Variants in ACER3 observed in about 807,000 individuals in gnomAD.
ACER3 encodes alkCDase 3.
In ACER3, 16 loss-of-function variants were observed where a neutral mutation model predicts 48.9. That is an observed-to-expected ratio of 0.33 (90% CI 0.22 to 0.50). The LOEUF is 0.50. Among genes scored for constraint, ACER3 ranks in the 20% least tolerant of loss-of-function variants. The pLI is 0.98. For missense variants in ACER3, 227 were observed against 326.0 expected (o/e 0.70, Z 2.34); for synonymous variants, 109 against 107.8 (o/e 1.01, Z -0.07).
chr11:76,992,853 G>A (rs566201126), intron 6 of ACER3, among the ~76,000 whole-genome samples: 5 of 145,742 alleles, frequency 3.4e-5, no homozygotes, highest in Non-Finnish European at 7.5e-5. Flanking sequence ...TGGCTTCCTC[G>A]TTGTTCAACA....
intron 9 of ACER3, among the ~76,000 whole-genome samples, chr11:77,017,062 G>A (rs1205194641): frequency 1.3e-5 from 2 of 152,184 alleles, no homozygotes; most frequent in Non-Finnish European, 2.9e-5. Flanking sequence ...TTAAAAGGAA[G>A]AGAGATCTCA....
intron 2 of ACER3, among the ~76,000 whole-genome samples, chr11:76,928,166 GATGGTATCTC>G (rs1190089305): frequency 6.6e-6 from 1 of 152,180 alleles, no homozygotes; most frequent in Non-Finnish European, 1.5e-5. Context: ...ACTGGTGTGA[GATGGTATCTC>G]ATTGTGGTTT....
At chr11:76,890,290 T>C (rs1411359080) in intron 1 of ACER3, among the ~76,000 whole-genome samples, 1 of 152,202 alleles carries the variant, frequency 6.6e-6, no homozygotes, top group Non-Finnish European at 1.5e-5. Context: ...TCATTTTCTC[T>C]ACTGTATTGA....
chr11:76,861,806 C>T (rs1944947596), intron 1 of ACER3, among the ~76,000 whole-genome samples: 1 of 152,202 alleles, frequency 6.6e-6, no homozygotes, highest in Non-Finnish European at 1.5e-5. Context: ...CCATTCTGTC[C>T]TATCCAACTA....
intron 2 of ACER3, among the ~76,000 whole-genome samples, chr11:76,940,642 T>C (rs1247502872): frequency 1.3e-5 from 2 of 152,322 alleles, no homozygotes; most frequent in South Asian, 2.1e-4. Context: ...ATCCTTCTCT[T>C]CTTATCCACC....
Position 77,016,698 on chromosome 11 carries a change from C to A in ACER3, c.623C>A (p.Pro208His). 1.3e-6 allele frequency: 2 copies of A among 1,588,840 alleles called. No homozygotes were observed. Among genetic ancestry groups the A allele is most frequent in the South Asian group, 1.1e-5 (1 of 87,066 alleles). Residue 208 changes from proline to histidine, a missense_variant, in exon 9 of 11, where the codon CCT becomes CAT. Physicochemically the swap from Pro to His is moderately conservative, Grantham distance 77. Coordinates refer to ENST00000532485, the MANE Select transcript of ACER3 (RefSeq NM_018367.7). ...SLRNFRKKVP[P>H]IIGITTQFHA... ...AGGAACTTTCGAAAGAAGGTACCAC[C>A]TATCATAGGTATTACCACACAATTT...
chr11:76,866,525 A>G (rs1200306626), intron 1 of ACER3, among the ~76,000 whole-genome samples: 2 of 152,232 alleles, frequency 1.3e-5, no homozygotes, highest in African/African-American at 4.8e-5. Context: ...AGTTTGTACT[A>G]TATTCAGCTA....
At chr11:76,977,441 A>T (rs1229001576) in intron 4 of ACER3, among the ~76,000 whole-genome samples, 1 of 152,178 alleles carries the variant, frequency 6.6e-6, no homozygotes, top group Non-Finnish European at 1.5e-5. Context: ...AAGTTAGGGT[A>T]TGCAGGTTTG....
intron 6 of ACER3, among the ~76,000 whole-genome samples, chr11:76,991,643 C>T (rs1311116578): frequency 6.6e-6 from 1 of 151,666 alleles, no homozygotes; most frequent in Non-Finnish European, 1.5e-5. Flanking sequence ...TGGTGAAACC[C>T]CATCTCTACT....
intron 7 of ACER3, among the ~76,000 whole-genome samples, chr11:77,000,414 T>A (rs539634279): frequency 6.6e-6 from 1 of 152,336 alleles, no homozygotes; most frequent in African/African-American, 2.4e-5. Context: ...CAAACATTTT[T>A]AATTTCAATG....
At chr11:76,992,248 A>G (rs191091829) in intron 6 of ACER3, among the ~76,000 whole-genome samples, 1 of 152,290 alleles carries the variant, frequency 6.6e-6, no homozygotes, top group Admixed American at 6.5e-5. Context: ...AATGAAGTTA[A>G]TTTGTATAAA....
At chr11:76,929,802 C>CA (rs1403286519) in intron 2 of ACER3, among the ~76,000 whole-genome samples, 1 of 152,214 alleles carries the variant, frequency 6.6e-6, no homozygotes, top group Non-Finnish European at 1.5e-5. Context: ...ACCAGTCTTG[C>CA]ATCCCAGGGA....
intron 1 of ACER3, among the ~76,000 whole-genome samples, chr11:76,879,340 C>T (rs1270880381): frequency 3.3e-5 from 5 of 152,134 alleles, no homozygotes; most frequent in African/African-American, 9.7e-5. Flanking sequence ...TCCTAATAGG[C>T]ATATCCAGTT....
chr11:77,014,955 TTTCTGA>T, intron 7 of ACER3, 55 bp from the exon 8 acceptor site: 1 of 1,021,072 alleles, frequency 9.8e-7, no homozygotes. Flanking sequence ...ATGGCTTCAA[TTTCTGA>T]TCGTGACATG....
At chr11:76,953,947 C>CTT (rs71043520) in intron 2 of ACER3, among the ~76,000 whole-genome samples, 1 of 129,996 alleles carries the variant, frequency 7.7e-6, no homozygotes, top group African/African-American at 2.9e-5. Context: ...TTTAAAAGTT[C>CTT]TTTTTTTTTT....
At chr11:76,877,881 A>G (rs1945425915) in intron 1 of ACER3, among the ~76,000 whole-genome samples, 3 of 151,462 alleles carry the variant, frequency 2.0e-5, no homozygotes, top group African/African-American at 7.3e-5. Flanking sequence ...CTTGTTTTAT[A>G]TTTTATATAA....
chr11:76,864,260 A>G (rs758041986), intron 1 of ACER3, among the ~76,000 whole-genome samples: 4 of 152,240 alleles, frequency 2.6e-5, no homozygotes, highest in Non-Finnish European at 4.4e-5. Flanking sequence ...TTGACCTGCC[A>G]GAAGTTAGAG....
At chr11:77,017,583 A>G (rs906777758) in intron 9 of ACER3, among the ~76,000 whole-genome samples, 16 of 152,250 alleles carry the variant, frequency 1.1e-4, no homozygotes, top group African/African-American at 3.9e-4. Flanking sequence ...CTCATTTAGA[A>G]TTCCAAAGGC....
chr11:76,975,862 T>G lies in ACER3; in HGVS notation c.268-427T>G, dbSNP rs1195874486. On this transcript the variant is annotated intron_variant, in intron 3 of 10. Coordinates refer to ENST00000532485, the MANE Select transcript of ACER3 (RefSeq NM_018367.7). ...AGTAAAAGAAATAAGAGCTGAAACC[T>G]TTTTTTCTTTTCTTTTTTTTTTTTT... is the stretch of plus-strand genomic sequence containing the variant. Among the ~76,000 whole-genome samples, 28 of 10,084 alleles carry G rather than the reference T, an allele frequency of 2.8e-3. No homozygotes were observed. The East Asian group carries it at 0.042, about 15-fold the overall frequency. 6.6% of individuals were successfully genotyped at this position (10,084 alleles called of 152,430 possible).
Sources: allele counts gnomAD v4.1 joint callset (sites outside exome capture counted in the v4.1 genomes callset), GRCh38; gene constraint gnomAD v4.1.1; transcripts MANE v1.5; gene names NCBI Gene and HGNC (gene_info 2026-07-23, HGNC 2026-07-21).